The following ACOXL variants were observed in gnomAD, a reference collection of about 807,000 sequenced individuals.
ACOXL encodes acyl-CoA oxidase like, also known as acyl-coenzyme A oxidase-like protein.
Under a neutral mutation model 71.9 loss-of-function variants are expected in ACOXL, and 70 were observed. The observed-to-expected ratio is 0.97, with a 90% CI of 0.80 to 1.19. The LOEUF is 1.19. ACOXL is among the 50% of genes most tolerant of loss of function. The pLI is 0.00. For missense variants in ACOXL, 703 were observed against 736.3 expected (o/e 0.95, Z 0.52); for synonymous variants, 253 against 281.6 (o/e 0.90, Z 1.02).
At chr2:110,922,725 A>G (rs2060124262) in intron 11 of ACOXL, among the ~76,000 whole-genome samples, 3 of 152,346 alleles carry the variant, frequency 2.0e-5, no homozygotes, top group Middle Eastern at 3.4e-3. Flanking sequence ...CTCTCCAGGT[A>G]CCTGTATCAG....
chr2:111,065,429 G>A lies in ACOXL; in HGVS notation c.1440+16141G>A, dbSNP rs183768115. On this transcript the variant is annotated intron_variant, in intron 16 of 17. Transcript: ENST00000439055. ...CAAAAACTTTAGAAGTAAACATATA[G>A]AAGAAAACCTTTGGCAACTATGGTT... 3.2e-3 allele frequency among the ~76,000 whole-genome samples: 480 copies of A among 152,228 alleles called. 1 individual carries two copies. The highest frequency in any genetic ancestry group is 3.2e-3 in the Non-Finnish European group (219 of 68,010).
At chr2:110,854,038 G>T (rs946168411) in intron 10 of ACOXL, among the ~76,000 whole-genome samples, 2 of 152,028 alleles carry the variant, frequency 1.3e-5, no homozygotes, top group African/African-American at 2.4e-5. Flanking sequence ...TGGTGACCCT[G>T]GTGGGAGTAC....
At chr2:111,029,248 C>T (rs1228676183) in intron 14 of ACOXL, among the ~76,000 whole-genome samples, 1 of 152,172 alleles carries the variant, frequency 6.6e-6, no homozygotes, top group African/African-American at 2.4e-5. Flanking sequence ...TTTAAATCCC[C>T]TCCTGGAACC....
At position 111,092,461 on chromosome 2, in the gene ACOXL, A is replaced by G. The variant is rs542084912; in HGVS notation, c.1441-404A>G. Among the ~76,000 whole-genome samples, 3 of 152,296 alleles carry G rather than the reference A, an allele frequency of 2.0e-5. No individual in the cohort carries two copies. In the South Asian group the frequency reaches 6.2e-4, roughly 32 times the overall value. The stretch of plus-strand genomic sequence containing the variant: ...CAAACCATGCTCAATGGAAAATATC[A>G]AGATATTATTATTCAGGATGTACCT... On this transcript the variant is annotated intron_variant, in intron 16 of 17. Transcript: ENST00000439055.
chr2:110,820,028 C>G (rs891871447), intron 9 of ACOXL, among the ~76,000 whole-genome samples: 2 of 152,130 alleles, frequency 1.3e-5, no homozygotes, highest in East Asian at 1.9e-4. Flanking sequence ...AAGTAAAGTC[C>G]CTTGCACCGT....
At chr2:111,002,663 C>T (rs1021671689) in intron 14 of ACOXL, among the ~76,000 whole-genome samples, 3 of 152,164 alleles carry the variant, frequency 2.0e-5, no homozygotes, top group African/African-American at 7.2e-5. Flanking sequence ...CTTTATTTCT[C>T]CAACTTTCTA....
At chr2:111,001,377 A>G (rs1162080331) in intron 14 of ACOXL, among the ~76,000 whole-genome samples, 1 of 137,164 alleles carries the variant, frequency 7.3e-6, no homozygotes, top group African/African-American at 2.8e-5. Context: ...CAATCAGGGA[A>G]CAAGTGGAGA....
chr2:110,744,070 C>T (rs901111190), intron 1 of ACOXL, among the ~76,000 whole-genome samples: 7 of 152,194 alleles, frequency 4.6e-5, no homozygotes, highest in Non-Finnish European at 1.0e-4. Flanking sequence ...TAGTTGTGCC[C>T]TGTCTGCAGC....
At chr2:110,872,028 G>A (rs1287344311) in intron 10 of ACOXL, among the ~76,000 whole-genome samples, 1 of 152,252 alleles carries the variant, frequency 6.6e-6, no homozygotes, top group Non-Finnish European at 1.5e-5. Context: ...AACTTGGAAT[G>A]TTGTCATTAG....
intron 17 of ACOXL, among the ~76,000 whole-genome samples, chr2:111,110,050 G>A (rs1230150809): frequency 6.6e-6 from 1 of 152,114 alleles, no homozygotes; most frequent in Non-Finnish European, 1.5e-5. Context: ...CCGGTAACTG[G>A]TCATCTCTAA....
At chr2:110,809,737 A>T (rs747621959) in intron 9 of ACOXL, among the ~76,000 whole-genome samples, 6 of 152,136 alleles carry the variant, frequency 3.9e-5, no homozygotes, top group Admixed American at 6.5e-5. Flanking sequence ...GCAAGGGTTC[A>T]TGGAAGACTT....
In ACOXL at chr2:110,971,762, T is replaced by C. The variant is rs117636689; in HGVS notation, c.1060-15346T>C. On this transcript the variant is annotated intron_variant, in intron 12 of 17. Coordinates refer to ENST00000439055, the MANE Select transcript of ACOXL (RefSeq NM_001142807.4). Reference sequence around the variant, plus strand: ...GACTTATAATTTAACTTGGGCTAGATTAAAAGTTGTCTGTTTTTTGTCTCC... The same window carrying C: ...GACTTATAATTTAACTTGGGCTAGACTAAAAGTTGTCTGTTTTTTGTCTCC... Among the ~76,000 whole-genome samples, 646 of 152,338 alleles carry C rather than the reference T, an allele frequency of 4.2e-3. 24 individuals are homozygous for C. In the East Asian group the frequency reaches 0.078, roughly 18 times the overall value.
intron 1 of ACOXL, among the ~76,000 whole-genome samples, chr2:110,757,488 G>C (rs76982727): frequency 1.3e-5 from 2 of 152,008 alleles, no homozygotes; most frequent in South Asian, 2.1e-4. Context: ...TGTCTTCCAT[G>C]GTGGTTGAAC....
intron 14 of ACOXL, among the ~76,000 whole-genome samples, chr2:111,011,996 T>A (rs2064191692): frequency 1.1e-5 from 1 of 88,910 alleles, no homozygotes; most frequent in African/African-American, 4.6e-5. Context: ...ACAGGTATAC[T>A]CCATAATAGA....
intron 12 of ACOXL, chr2:110,963,830 C>A: frequency 7.1e-7 from 1 of 1,401,626 alleles, no homozygotes; most frequent in Non-Finnish European, 9.7e-7. Flanking sequence ...CTGTTAGGCA[C>A]TTGATATTTG....
chr2:110,770,322 A>T (rs1284787117), intron 2 of ACOXL, among the ~76,000 whole-genome samples: 1 of 152,134 alleles, frequency 6.6e-6, no homozygotes, highest in Non-Finnish European at 1.5e-5. Context: ...TTGAAAGTAG[A>T]TCCCTCTCCC....
intron 16 of ACOXL, among the ~76,000 whole-genome samples, chr2:111,069,154 T>TC (rs1031632960): frequency 6.6e-6 from 1 of 150,834 alleles, no homozygotes; most frequent in African/African-American, 2.4e-5. Flanking sequence ...TCTTTTTTTT[T>TC]TTTTTTTTTT....
At chr2:110,893,784 C>A (rs745494895) in intron 10 of ACOXL, among the ~76,000 whole-genome samples, 1 of 152,170 alleles carries the variant, frequency 6.6e-6, no homozygotes, top group East Asian at 1.9e-4. Context: ...TTGATTGTAG[C>A]ATATATACCT....
chr2:110,957,838 C>T (rs1029038763), intron 12 of ACOXL, among the ~76,000 whole-genome samples: 22 of 152,030 alleles, frequency 1.4e-4, no homozygotes, highest in Admixed American at 5.2e-4. Flanking sequence ...GGGCGGATCA[C>T]CTGAGGTGAG....
Sources: allele counts gnomAD v4.1 joint callset (sites outside exome capture counted in the v4.1 genomes callset), GRCh38; gene constraint gnomAD v4.1.1; transcripts MANE v1.5; gene names NCBI Gene and HGNC (gene_info 2026-07-23, HGNC 2026-07-21).